MALT1: variants seen among roughly 807,000 people sequenced by gnomAD.
MALT1 encodes the protein mucosa-associated lymphoid tissue lymphoma translocation protein 1.
A neutral mutation model predicts 85.5 loss-of-function variants in MALT1; 36 were observed. The observed-to-expected ratio is 0.42, with a 90% CI of 0.32 to 0.56. The LOEUF (loss-of-function observed/expected upper bound fraction) is 0.56. MALT1 is among the 20% of genes least tolerant of loss of function. The pLI is 0.10. For missense variants in MALT1, 716 were observed against 981.6 expected (o/e 0.73, Z 3.62); for synonymous variants, 359 against 361.3 (o/e 0.99, Z 0.07).
At chr18:58,694,201 C>G (rs2054554462) in intron 2 of MALT1, among the ~76,000 whole-genome samples, 1 of 152,200 alleles carries the variant, frequency 6.6e-6, no homozygotes, top group African/African-American at 2.4e-5. Flanking sequence ...AGAGGCTCTA[C>G]TATATTTACT....
chr18:58,705,301 T>TGC (rs2054731953), intron 4 of MALT1, among the ~76,000 whole-genome samples: 1 of 146,896 alleles, frequency 6.8e-6, no homozygotes, highest in African/African-American at 2.6e-5. Context: ...TGTGTGTGTG[T>TGC]GTGTGTGTGT....
At position 58,723,042 on chromosome 18, in the gene MALT1, T is replaced by TTTTTTTTTTTTA; in HGVS notation, c.1019-6_1019-5insTTTTTTTTTTTA. 1 of 1,610,954 alleles carries TTTTTTTTTTTTA rather than the reference T, an allele frequency of 6.2e-7. No homozygotes were observed. Among genetic ancestry groups the TTTTTTTTTTTTA allele is most frequent in the Non-Finnish European group, 8.5e-7 (1 of 1,178,158 alleles). On this transcript the variant is annotated splice_polypyrimidine_tract_variant and splice_region_variant and intron_variant, in intron 9 of 16. Coordinates refer to ENST00000649217, the MANE Select transcript of MALT1 (RefSeq NM_006785.4). ...TTTAAACACCCCCTTTCTTTTTTTT[T>TTTTTTTTTTTTA]CAAAGCGAAGGACAAGGTTGCCCTT...
intron 14 of MALT1, among the ~76,000 whole-genome samples, chr18:58,742,827 T>C (rs2144486305): frequency 6.6e-6 from 1 of 152,340 alleles, no homozygotes; most frequent in South Asian, 2.1e-4. Flanking sequence ...TTCGTATAAC[T>C]GAGCATCCTC....
chr18:58,680,929 CAAAAAAAAAAAA>C lies in MALT1; in HGVS notation c.210-226_210-215del, dbSNP rs1165265799. Among the ~76,000 whole-genome samples, 33 of 67,224 alleles carry C rather than the reference CAAAAAAAAAAAA, an allele frequency of 4.9e-4. 1 individual carries two copies. The highest frequency in any genetic ancestry group is 4.6e-3 in the Admixed American group (22 of 4,834). The allele number at this position is 67,224 out of a possible 152,430, so 44.1% of individuals were successfully genotyped here. ...TGGGCGACAGAGCGAGACTCCGTCT[CAAAAAAAAAAAA>C]AAAAAAAAAAAAAATAATCATGGGA... On this transcript the variant is annotated intron_variant, in intron 1 of 16. Coordinates refer to ENST00000649217, the MANE Select transcript of MALT1 (RefSeq NM_006785.4).
At position 58,750,250 on chromosome 18, in the gene MALT1, A is replaced by G. The variant is rs2055429000; in HGVS notation, c.*2408A>G. The G allele has an allele frequency of 6.0e-6, 1 of 167,106 alleles. No individual in the cohort carries two copies. Among genetic ancestry groups the G allele is most frequent in the Admixed American group, 6.4e-5 (1 of 15,630 alleles). The allele number at this position is 167,106 out of a possible 1,614,324, so 10.4% of individuals were successfully genotyped here. On this transcript the variant is annotated 3_prime_UTR_variant, in exon 17 of 17. Coordinates refer to ENST00000649217, the MANE Select transcript of MALT1 (RefSeq NM_006785.4). Reference sequence around the variant, plus strand: ...AAGAATAAAACTCCAACACGTTTAAAGAAATTAAGATCCAGATAAATGGAA... The same window carrying G: ...AAGAATAAAACTCCAACACGTTTAAGGAAATTAAGATCCAGATAAATGGAA...
intron 2 of MALT1, among the ~76,000 whole-genome samples, chr18:58,685,022 G>A (rs1250211560): frequency 2.0e-5 from 3 of 151,998 alleles, no homozygotes; most frequent in Non-Finnish European, 4.4e-5. Context: ...TAGTTTAGTA[G>A]GGGAGACAAA....
intron 1 of MALT1, among the ~76,000 whole-genome samples, chr18:58,676,638 CCTGT>C (rs535860152): frequency 1.4e-3 from 208 of 152,308 alleles, no homozygotes; most frequent in Non-Finnish European, 2.0e-3. Context: ...CTCAGTGTTA[CCTGT>C]CTACTTGCGT....
intron 15 of MALT1, among the ~76,000 whole-genome samples, chr18:58,744,997 A>AGT (rs2055348105): frequency 6.6e-6 from 1 of 152,188 alleles, no homozygotes; most frequent in South Asian, 2.1e-4. Context: ...GCAAGCAAGG[A>AGT]GTAAGACAAG....
At chr18:58,743,898 T>TC (rs1242152433) in intron 14 of MALT1, among the ~76,000 whole-genome samples, 1 of 152,162 alleles carries the variant, frequency 6.6e-6, no homozygotes, top group Non-Finnish European at 1.5e-5. Flanking sequence ...GCTTTATCTA[T>TC]CTTAAAGCAT....
intron 2 of MALT1, among the ~76,000 whole-genome samples, chr18:58,695,984 A>C (rs1602295105): frequency 6.6e-6 from 1 of 152,234 alleles, no homozygotes; most frequent in Non-Finnish European, 1.5e-5. Flanking sequence ...CATTTCCATG[A>C]GCTAACACTG....
intron 4 of MALT1, among the ~76,000 whole-genome samples, chr18:58,705,264 A>T (rs2054730390): frequency 1.4e-5 from 2 of 147,524 alleles, no homozygotes; most frequent in African/African-American, 2.5e-5. Context: ...TTCGACATTT[A>T]CTTTTGAGCA....
intron 2 of MALT1, chr18:58,690,216 C>T (rs2054475928): frequency 3.3e-5 from 5 of 152,250 alleles, no homozygotes; most frequent in African/African-American, 4.8e-5. Context: ...TTATATCTGT[C>T]GTGGTGATCT....
intron 8 of MALT1, 76 bp from the exon 9 acceptor site, chr18:58,715,859 A>G (rs2054892196): frequency 2.1e-6 from 2 of 946,076 alleles, no homozygotes; most frequent in Non-Finnish European, 3.4e-6. Flanking sequence ...TGCTGATGTT[A>G]TATACTTTTC....
chr18:58,730,633 T>A (rs1466443745), intron 10 of MALT1, among the ~76,000 whole-genome samples: 2 of 152,256 alleles, frequency 1.3e-5, no homozygotes, highest in Non-Finnish European at 2.9e-5. Context: ...TCCATTTCTC[T>A]TCGGTATGTA....
chr18:58,691,186 C>T (rs1602288362), intron 2 of MALT1: 1 of 298,160 alleles, frequency 3.4e-6, no homozygotes, highest in East Asian at 1.2e-4. Context: ...CTCCCCACTA[C>T]TGATCTTCAG....
intron 9 of MALT1, among the ~76,000 whole-genome samples, chr18:58,719,194 G>A (rs781217793): frequency 6.6e-6 from 1 of 152,152 alleles, no homozygotes; most frequent in Non-Finnish European, 1.5e-5. Flanking sequence ...CTTTCTTGGG[G>A]TCTCTCATGC....
In MALT1 at chr18:58,709,476, G is replaced by T; in HGVS notation, c.748G>T (p.Ala250Ser). The T allele has an allele frequency of 6.2e-7, 1 of 1,613,404 alleles. No homozygotes were observed. Among genetic ancestry groups the T allele is most frequent in the Non-Finnish European group, 8.5e-7 (1 of 1,179,650 alleles). The change falls in exon 5 of 17, where the codon GCT becomes TCT. Residue 250 changes from alanine (A) to serine (S), a missense_variant. Physicochemically the swap from Ala to Ser is moderately conservative, Grantham distance 99. This residue lies in a region of MALT1 where 290 missense variants were observed against 380.5 expected (regional missense o/e 0.76). Coordinates refer to ENST00000649217, the MANE Select transcript of MALT1 (RefSeq NM_006785.4). ...CAGCACATTGGTTTTACAGTGTGTT[G>T]CTGTTGGAAGCCCTATTCCTCACTA... The part of the protein sequence containing the change: ...PGSTLVLQCV[A>S]VGSPIPHYQW...
Position 58,694,166 on chromosome 18 carries a change from C to G in MALT1, c.377-2200C>G, listed in dbSNP as rs564522659. Among the ~76,000 whole-genome samples the G allele has an allele frequency of 6.6e-5, 10 of 152,304 alleles. No individual in the cohort carries two copies. In the South Asian group the frequency reaches 1.7e-3, roughly 25 times the overall value. On this transcript the variant is annotated intron_variant, in intron 2 of 16. Coordinates refer to ENST00000649217, the MANE Select transcript of MALT1 (RefSeq NM_006785.4). ...AAGGATTAATGAATATGAATGTCCT[C>G]CCTTGGCAAGAGTTTAAAATTCTGA...
intron 2 of MALT1, among the ~76,000 whole-genome samples, chr18:58,685,095 T>G (rs1015120052): frequency 1.3e-5 from 2 of 152,194 alleles, no homozygotes; most frequent in Non-Finnish European, 2.9e-5. Context: ...GTTTATCTGA[T>G]CTCCAGTTTT....
Sources: gnomAD v4.1 joint callset for allele counts (sites outside exome capture counted in the v4.1 genomes callset) on GRCh38, gnomAD v4.1.1 for gene constraint, gnomAD v4.1.1 regional missense constraint, MANE v1.5 for transcripts, NCBI Gene and HGNC (gene_info 2026-07-23, HGNC 2026-07-21) for gene names.